LDB2: variants seen among roughly 807,000 people sequenced by gnomAD.
The protein encoded by LDB2 is LIM domain binding 2.
A neutral mutation model predicts 44.3 loss-of-function variants in LDB2; 12 were observed. That is an observed-to-expected ratio of 0.27 (90% confidence interval 0.17 to 0.44). LDB2 has a LOEUF of 0.44. LDB2 is among the 20% of genes least tolerant of loss of function. The pLI is 1.00. For synonymous variants in LDB2, 164 were observed against 174.8 expected, an observed-to-expected ratio of 0.94 and a Z score of 0.49; for missense variants, 344 against 473.5, an observed-to-expected ratio of 0.73 and a Z score of 2.54.
intron 1 of LDB2, among the ~76,000 whole-genome samples, chr4:16,761,748 C>T (rs914303020): frequency 5.9e-5 from 9 of 152,166 alleles, no homozygotes; most frequent in African/African-American, 1.9e-4. Context: ...ACCCCAAAGA[C>T]AGTGAAGATC....
At chr4:16,831,185 T>TTTC (rs1784011425) in intron 1 of LDB2, among the ~76,000 whole-genome samples, 1 of 151,088 alleles carries the variant, frequency 6.6e-6, no homozygotes, top group Admixed American at 6.6e-5. Flanking sequence ...TTTTTTTTTT[T>TTTC]TTTTTTTCTA....
At chr4:16,717,855 G>A (rs775169941) in intron 2 of LDB2, among the ~76,000 whole-genome samples, 2 of 152,058 alleles carry the variant, frequency 1.3e-5, no homozygotes, top group Non-Finnish European at 2.9e-5. Context: ...TCAAAATATG[G>A]CTGCCAATGT....
chr4:16,798,944 G>A (rs954226993), intron 1 of LDB2, among the ~76,000 whole-genome samples: 1 of 152,096 alleles, frequency 6.6e-6, no homozygotes, highest in Admixed American at 6.5e-5. Context: ...TCCGCCTCCC[G>A]GGTTCACGCC....
At chr4:16,850,966 G>GTGTGTGTGTC (rs1011751160) in intron 1 of LDB2, among the ~76,000 whole-genome samples, 10 of 151,762 alleles carry the variant, frequency 6.6e-5, no homozygotes, top group Non-Finnish European at 1.5e-4. Flanking sequence ...GTGTGTGTGT[G>GTGTGTGTGTC]TGTGTGTGTG....
At chr4:16,526,547 G>GTCTATCA (rs371322071) in intron 5 of LDB2, among the ~76,000 whole-genome samples, 9 of 152,314 alleles carry the variant, frequency 5.9e-5, no homozygotes, top group Non-Finnish European at 1.2e-4. Context: ...TCATCTATCT[G>GTCTATCA]TCTATCATCT....
intron 2 of LDB2, among the ~76,000 whole-genome samples, chr4:16,727,335 G>A (rs1381562801): frequency 1.3e-5 from 2 of 152,210 alleles, no homozygotes; most frequent in African/African-American, 4.8e-5. Flanking sequence ...GAAAAGGCTG[G>A]TGTCCCAGGG....
chr4:16,740,449 T>C (rs1029700201), intron 2 of LDB2, among the ~76,000 whole-genome samples: 3 of 152,246 alleles, frequency 2.0e-5, no homozygotes, highest in Non-Finnish European at 4.4e-5. Context: ...TCTTTGCCCA[T>C]GGATCTATCC....
At chr4:16,743,365 A>T (rs959084544) in intron 2 of LDB2, among the ~76,000 whole-genome samples, 20 of 152,108 alleles carry the variant, frequency 1.3e-4, no homozygotes, top group Non-Finnish European at 2.5e-4. Flanking sequence ...GGTAGAAAGA[A>T]TTCTGAGTGG....
Position 16,814,038 on chromosome 4 carries a change from A to AT in LDB2, c.133-54779dup, listed in dbSNP as rs373118284. 1.1e-3 allele frequency among the ~76,000 whole-genome samples: 163 copies of AT among 151,814 alleles called. 1 individual carries two copies. The highest frequency in any genetic ancestry group is 8.4e-3 in the South Asian group (40 of 4,786). On this transcript the variant is annotated intron_variant, in intron 1 of 7. Coordinates refer to ENST00000304523, the MANE Select transcript of LDB2 (RefSeq NM_001290.5). ...AGGCGCCCACCACCACGCCTGGCTA[A>AT]TTTTTTGTATTTTTACTAGAGACGG...
At chr4:16,667,247 C>T (rs1743512045) in intron 2 of LDB2, among the ~76,000 whole-genome samples, 2 of 152,136 alleles carry the variant, frequency 1.3e-5, no homozygotes, top group African/African-American at 2.4e-5. Context: ...TTCATCACAC[C>T]ATGGGGTCTC....
intron 2 of LDB2, among the ~76,000 whole-genome samples, chr4:16,618,815 G>C (rs956440679): frequency 3.9e-5 from 6 of 152,128 alleles, no homozygotes; most frequent in African/African-American, 1.2e-4. Context: ...AGAGGGGCCT[G>C]GTGGGAGGTA....
At chr4:16,824,488 G>A (rs1782691101) in intron 1 of LDB2, among the ~76,000 whole-genome samples, 3 of 152,188 alleles carry the variant, frequency 2.0e-5, no homozygotes, top group Admixed American at 1.3e-4. Context: ...ACTATGTGCT[G>A]AGACCTGTCC....
At chr4:16,627,444 C>T (rs1054341696) in intron 2 of LDB2, among the ~76,000 whole-genome samples, 2 of 152,148 alleles carry the variant, frequency 1.3e-5, no homozygotes, top group Non-Finnish European at 2.9e-5. Flanking sequence ...GCTCACTCTA[C>T]CTTCTGGAAA....
At chr4:16,611,328 T>C (rs909929865) in intron 2 of LDB2, among the ~76,000 whole-genome samples, 4 of 152,056 alleles carry the variant, frequency 2.6e-5, no homozygotes, top group Non-Finnish European at 4.4e-5. Context: ...AATAACCAAA[T>C]GGCAGCATGA....
intron 1 of LDB2, among the ~76,000 whole-genome samples, chr4:16,872,236 C>T (rs550964985): frequency 2.0e-5 from 3 of 152,032 alleles, no homozygotes; most frequent in South Asian, 2.1e-4. Context: ...TCTTTGACCA[C>T]GTTATCTAAA....
intron 5 of LDB2, among the ~76,000 whole-genome samples, chr4:16,524,502 T>C (rs570598931): frequency 2.0e-5 from 3 of 152,198 alleles, no homozygotes; most frequent in East Asian, 1.9e-4. Context: ...GAACAGGGCA[T>C]TGGAAACCAC....
chr4:16,588,033 A>G (rs908855585), intron 4 of LDB2, among the ~76,000 whole-genome samples: 2 of 152,168 alleles, frequency 1.3e-5, no homozygotes, highest in Admixed American at 6.5e-5. Context: ...AGCATCATGT[A>G]TTATAGAGGA....
intron 2 of LDB2, among the ~76,000 whole-genome samples, chr4:16,719,738 G>C (rs182041327): frequency 6.6e-6 from 1 of 152,218 alleles, no homozygotes; most frequent in Admixed American, 6.6e-5. Context: ...GTCTGACCCA[G>C]AGTAAGTGTT....
intron 1 of LDB2, among the ~76,000 whole-genome samples, chr4:16,781,814 T>C (rs1161849320): frequency 1.3e-5 from 2 of 152,186 alleles, no homozygotes; most frequent in African/African-American, 4.8e-5. Context: ...CCTAATTCAA[T>C]GACTGGTGTC....
Sources: gnomAD v4.1 joint callset for allele counts (sites outside exome capture counted in the v4.1 genomes callset) on GRCh38, gnomAD v4.1.1 for gene constraint, MANE v1.5 for transcripts, NCBI Gene and HGNC (gene_info 2026-07-23, HGNC 2026-07-21) for gene names.